Variants in SPTBN4 observed in about 807,000 individuals in gnomAD.
The protein encoded by SPTBN4 is spectrin beta, non-erythrocytic 4, also known as spectrin beta chain, non-erythrocytic 4.
SPTBN4 carries 96 observed loss-of-function variants against 277.8 expected under a neutral mutation model. That is an observed-to-expected ratio of 0.35 (90% CI 0.29 to 0.41). SPTBN4 has a LOEUF of 0.41. SPTBN4 is among the 10% of genes least tolerant of loss of function. SPTBN4 has a pLI of 1.00. For synonymous variants in SPTBN4, 1,481 were observed against 1,580.3 expected (o/e 0.94, Z 1.49); for missense variants, 3,006 against 3,595.7 (o/e 0.84, Z 4.19).
In SPTBN4 at chr19:40,575,393, C is replaced by T. The variant is rs1219171984; in HGVS notation, c.7537-18C>T. The T allele has an allele frequency of 6.2e-7, 1 of 1,610,600 alleles. No homozygotes were observed. Among genetic ancestry groups the T allele is most frequent in the East Asian group, 2.2e-5 (1 of 44,808 alleles). On this transcript the variant is annotated intron_variant, in intron 35 of 35. Transcript: ENST00000598249. ...CTCTCTTCCAAATACGGCCTCTGTG[C>T]CCTGTTTCTTCCCCCAGGAGGAGAT... is the stretch of plus-strand genomic sequence containing the variant.
In SPTBN4 at chr19:40,529,047, A is replaced by G; in HGVS notation, c.3864A>G (p.Gln1288=). 1 of 1,613,982 alleles carries G rather than the reference A, an allele frequency of 6.2e-7. No homozygotes were observed. Among genetic ancestry groups the G allele is most frequent in the Non-Finnish European group, 8.5e-7 (1 of 1,179,920 alleles). ...CTTATCTCCCCATCCCCAGGAACCA[A>G]GAAAACCAGTTACGGGCCCAGCAAT... ...EAVTRLLEKN[Q]ENQLRAQQWM... The change falls in exon 18 of 36, where the codon CAA becomes CAG. Residue 1288 remains glutamine (Q), a synonymous_variant. Coordinates refer to ENST00000598249, the MANE Select transcript of SPTBN4 (RefSeq NM_020971.3).
intron 16 of SPTBN4, 35 bp downstream of exon 16, chr19:40,520,186 A>G: frequency 7.8e-7 from 1 of 1,277,738 alleles, no homozygotes; most frequent in Non-Finnish European, 9.8e-7. Context: ...GGAGAGGGAG[A>G]GTCCGAGGCC....
intron 2 of SPTBN4, among the ~76,000 whole-genome samples, chr19:40,486,853 G>A (rs1408688697): frequency 1.3e-5 from 2 of 152,182 alleles, no homozygotes; most frequent in Non-Finnish European, 2.9e-5. Flanking sequence ...GGCACAGAGT[G>A]TGCATTCGAA....
At position 40,554,242 on chromosome 19, in the gene SPTBN4, G is replaced by A. The variant is rs1329121402; in HGVS notation, c.4770G>A (p.Glu1590=). 1.4e-5 allele frequency: 22 copies of A among 1,525,732 alleles called. No individual in the cohort carries two copies. The highest frequency in any genetic ancestry group is 2.0e-5 in the Admixed American group (1 of 50,262). 94.5% of individuals were successfully genotyped at this position (1,525,732 alleles called of 1,614,324 possible). A position where few individuals can be genotyped will look rare whatever the true frequency, so the allele number is the denominator to read the frequency against. ...CGTCGCTGCGCAGCCCGGAGGCAGA[G>A]GCAGTGCGCCGGGGCCTGGAGCAGC... is the stretch of plus-strand genomic sequence containing the variant. ...ALASLRSPEA[E]AVRRGLEQLQ... Residue 1590 remains glutamate (E), a synonymous_variant, in exon 23 of 36, where the codon GAG becomes GAA. Coordinates refer to ENST00000598249, the MANE Select transcript of SPTBN4 (RefSeq NM_020971.3). The surrounding 1 kb of genome is among the most constrained non-coding windows in gnomAD (Gnocchi z 5.7).
chr19:40,540,141 G>T (rs1426553351), intron 20 of SPTBN4, among the ~76,000 whole-genome samples: 1 of 151,716 alleles, frequency 6.6e-6, no homozygotes, highest in African/African-American at 2.4e-5. Context: ...TGTCCAGGCT[G>T]GTCCCAAACT....
chr19:40,562,154 G>A (rs936970848), intron 27 of SPTBN4, among the ~76,000 whole-genome samples: 2 of 152,112 alleles, frequency 1.3e-5, no homozygotes, highest in Admixed American at 1.3e-4. Context: ...AACCACACAT[G>A]GTGAGGAGCA....
chr19:40,495,261 G>T (rs940624104), intron 6 of SPTBN4, among the ~76,000 whole-genome samples: 1 of 152,002 alleles, frequency 6.6e-6, no homozygotes, highest in Non-Finnish European at 1.5e-5. Flanking sequence ...AGATACCCAC[G>T]CACGTGCACA....
intron 7 of SPTBN4, among the ~76,000 whole-genome samples, chr19:40,498,147 G>C (rs814536): frequency 0.18 from 27,273 of 151,486 alleles, 3,078 homozygotes; most frequent in African/African-American, 0.32. Context: ...CTCATCCTCA[G>C]CTGCTTTTCC....
intron 26 of SPTBN4, among the ~76,000 whole-genome samples, chr19:40,558,356 CAA>C (rs879732971): frequency 2.4e-5 from 3 of 125,026 alleles, no homozygotes; most frequent in African/African-American, 3.0e-5. Flanking sequence ...GACTCCATCT[CAA>C]AAAAAAAAAA....
chr19:40,554,658 C>A lies in SPTBN4; in HGVS notation c.5084+12C>A, dbSNP rs750426504. On this transcript the variant is annotated intron_variant, in intron 24 of 35. Coordinates refer to ENST00000598249, the MANE Select transcript of SPTBN4 (RefSeq NM_020971.3). The surrounding 1 kb of genome is among the most constrained non-coding windows in gnomAD (Gnocchi z 5.7). ...GGGCACCCGGACAGGTGGGCGGGCG[C>A]GTGGCCAGTTCACAGGAATGGTCCA... The A allele has an allele frequency of 1.9e-6, 3 of 1,590,372 alleles. No homozygotes were observed. The highest frequency in any genetic ancestry group is 2.6e-6 in the Non-Finnish European group (3 of 1,169,030).
At chr19:40,505,700 G>GGAAGGAAGGAAGGA (rs2080318473) in intron 12 of SPTBN4, among the ~76,000 whole-genome samples, 3 of 116,594 alleles carry the variant, frequency 2.6e-5, no homozygotes, top group East Asian at 4.8e-4. Context: ...GAATGAAAGG[G>GGAAGGAAGGAAGGA]AGGAAGGAAG....
At chr19:40,501,637 C>T (rs1482431103) in intron 7 of SPTBN4, among the ~76,000 whole-genome samples, 2 of 151,634 alleles carry the variant, frequency 1.3e-5, no homozygotes, top group Non-Finnish European at 2.9e-5. Context: ...CATTGCACTC[C>T]AGCCTGGGCA....
At position 40,555,949 on chromosome 19, in the gene SPTBN4, C is replaced by A. The variant is rs2080973391; in HGVS notation, c.5085-135C>A. 5.5e-6 allele frequency: 4 copies of A among 728,630 alleles called. No individual in the cohort carries two copies. The Admixed American group carries it at 8.8e-5, about 16-fold the overall frequency. The allele number at this position is 728,630 out of a possible 1,614,324, so 45.1% of individuals were successfully genotyped here. On this transcript the variant is annotated intron_variant, in intron 24 of 35. Coordinates refer to ENST00000598249, the MANE Select transcript of SPTBN4 (RefSeq NM_020971.3). The stretch of plus-strand genomic sequence containing the variant: ...AAAGAAAAAAGAAAAGAAAACAGAG[C>A]TCTACCTGGGGACACAGCCGTGTCT...
At chr19:40,529,498 G>C (rs936122691) in intron 18 of SPTBN4, among the ~76,000 whole-genome samples, 1 of 152,186 alleles carries the variant, frequency 6.6e-6, no homozygotes, top group Admixed American at 6.5e-5. Context: ...AGGGCCGTGG[G>C]GGGGCCAGCG....
At chr19:40,559,054 C>G (rs1044709567) in intron 26 of SPTBN4, among the ~76,000 whole-genome samples, 1 of 151,084 alleles carries the variant, frequency 6.6e-6, no homozygotes, top group African/African-American at 2.4e-5. Flanking sequence ...ACTTCAGCCT[C>G]GAGTAGCTGG....
chr19:40,573,497 A>G (rs748910249), intron 35 of SPTBN4, among the ~76,000 whole-genome samples: 10 of 152,178 alleles, frequency 6.6e-5, no homozygotes, highest in Non-Finnish European at 1.3e-4. Flanking sequence ...TTTTTTACCT[A>G]AGGGCACTGG....
intron 30 of SPTBN4, among the ~76,000 whole-genome samples, chr19:40,567,359 G>A (rs1272574641): frequency 1.3e-5 from 2 of 151,460 alleles, no homozygotes; most frequent in African/African-American, 4.9e-5. Flanking sequence ...TTAAAGTCCT[G>A]GGTGGGGGGA....
At position 40,523,344 on chromosome 19, in the gene SPTBN4, T is replaced by C. The variant is rs1051812883; in HGVS notation, c.3655-93T>C. ...ACTGGAATGTTCTATGCTTGCAAGG[T>C]TGCGGGGAGTGGTGGCAAGCCAGGC... is the stretch of plus-strand genomic sequence containing the variant. On this transcript the variant is annotated intron_variant, in intron 16 of 35. Coordinates refer to ENST00000598249, the MANE Select transcript of SPTBN4 (RefSeq NM_020971.3). 1.2e-5 allele frequency: 15 copies of C among 1,221,830 alleles called. No homozygotes were observed. The South Asian group carries it at 1.6e-4, about 13-fold the overall frequency. 75.7% of individuals were successfully genotyped at this position (1,221,830 alleles called of 1,614,324 possible).
In SPTBN4 at chr19:40,572,140, A is replaced by G. The variant is rs773217069; in HGVS notation, c.7441A>G (p.Thr2481Ala). The change falls in exon 34 of 36, where the codon ACC (threonine) becomes GCC (alanine). Residue 2481 changes from threonine (T) to alanine (A), a missense_variant. Physicochemically the swap from Thr to Ala is moderately conservative, Grantham distance 58. Transcript: ENST00000598249. ...ACCGCTGCTCAGCCTGCACAAGGCCACCAGCGAGGTGGCTAGTGACTACAA... is the reference window on the plus strand; with the variant it reads ...ACCGCTGCTCAGCCTGCACAAGGCCGCCAGCGAGGTGGCTAGTGACTACAA... ...GEPLLSLHKA[T>A]SEVASDYKKK... 3.7e-6 allele frequency: 6 copies of G among 1,610,834 alleles called. No homozygotes were observed. In the Admixed American group the frequency reaches 1.0e-4, roughly 27 times the overall value.
Sources: gnomAD v4.1 joint callset for allele counts (sites outside exome capture counted in the v4.1 genomes callset) on GRCh38, gnomAD v4.1.1 for gene constraint, Gnocchi (gnomAD v3.1) non-coding constraint, MANE v1.5 for transcripts, NCBI Gene and HGNC (gene_info 2026-07-23, HGNC 2026-07-21) for gene names.